The following SLC6A3 variants were observed in gnomAD, a reference collection of about 807,000 sequenced individuals.
The protein encoded by SLC6A3 is sodium-dependent dopamine transporter.
Under a neutral mutation model 70.4 loss-of-function variants are expected in SLC6A3, and 19 were observed. That is an observed-to-expected ratio of 0.27 (90% CI 0.19 to 0.40). SLC6A3 has a LOEUF of 0.40. Among genes scored for constraint, SLC6A3 ranks in the 10% least tolerant of loss-of-function variants. The pLI is 1.00. For missense variants in SLC6A3, 613 were observed against 838.5 expected (o/e 0.73, Z 3.32); for synonymous variants, 368 against 356.6 (o/e 1.03, Z -0.36).
chr5:1,409,853 C>T lies in SLC6A3; in HGVS notation c.1270-4G>A, dbSNP rs1199849349. 6.2e-7 allele frequency: 1 copy of T among 1,613,126 alleles called. No individual in the cohort carries two copies. Among genetic ancestry groups the T allele is most frequent in the South Asian group, 1.1e-5 (1 of 91,072 alleles). On this transcript the variant is annotated splice_region_variant and splice_polypyrimidine_tract_variant and intron_variant, in intron 9 of 14. Coordinates refer to ENST00000270349, the MANE Select transcript of SLC6A3 (RefSeq NM_001044.5). Reference sequence around the variant, plus strand: ...TCACTGACTCCATACCACCCATCTGCACACAGAGCACAGGGTCGGGCTGCA... The same window carrying T: ...TCACTGACTCCATACCACCCATCTGTACACAGAGCACAGGGTCGGGCTGCA...
At chr5:1,431,337 C>T (rs1263266876) in intron 4 of SLC6A3, among the ~76,000 whole-genome samples, 1 of 152,230 alleles carries the variant, frequency 6.6e-6, no homozygotes, top group African/African-American at 2.4e-5. Context: ...CATCGGGGTC[C>T]AGGAAAGCAG....
At position 1,443,117 on chromosome 5, in the gene SLC6A3, C is replaced by G. The variant is rs915327713; in HGVS notation, c.81G>C (p.Lys27Asn). 11 of 1,614,234 alleles carry G rather than the reference C, an allele frequency of 6.8e-6. No individual in the cohort carries two copies. The highest frequency in any genetic ancestry group is 2.2e-5 in the South Asian group (2 of 91,086). The change falls in exon 2 of 15, where the codon AAG becomes AAC. Residue 27 changes from lysine to asparagine, a missense_variant. Coordinates refer to ENST00000270349, the MANE Select transcript of SLC6A3 (RefSeq NM_001044.5). ...CCTTGACAAGGATGAGCTCCACCTC[C>G]TTCGGGCCCACGGCATTGGGCTCCT... ...PAKEPNAVGPKEVELILVKEQ... is the reference protein window; with the variant it reads ...PAKEPNAVGPNEVELILVKEQ...
chr5:1,420,990 T>C (rs907691288), intron 5 of SLC6A3, among the ~76,000 whole-genome samples: 1 of 152,054 alleles, frequency 6.6e-6, no homozygotes, highest in Non-Finnish European at 1.5e-5. Context: ...GAGTGGCTGA[T>C]GGGGGTTTTC....
chr5:1,418,859 T>TATCC (rs148583954), intron 6 of SLC6A3, among the ~76,000 whole-genome samples: 4 of 144,708 alleles, frequency 2.8e-5, no homozygotes, highest in Non-Finnish European at 4.5e-5. Flanking sequence ...ATCCATCCAT[T>TATCC]ATCCATCCAT....
chr5:1,406,764 A>G lies in SLC6A3; in HGVS notation c.1499-476T>C, dbSNP rs1466242659. On this transcript the variant is annotated intron_variant, in intron 11 of 14. Transcript: ENST00000270349. This position sits in a 1 kb window ranked among gnomAD's most constrained non-coding sequence, Gnocchi z 8.8. Reference sequence around the variant, plus strand: ...TCCATCTTCAGAACTCCATCCTCCAAAATGAAATTCTGCCCTCATGAAACG... The same window carrying G: ...TCCATCTTCAGAACTCCATCCTCCAGAATGAAATTCTGCCCTCATGAAACG... 2.0e-5 allele frequency among the ~76,000 whole-genome samples: 3 copies of G among 149,168 alleles called. No homozygotes were observed. The highest frequency in any genetic ancestry group is 1.5e-5 in the Non-Finnish European group (1 of 65,932).
At position 1,397,736 on chromosome 5, in the gene SLC6A3, C is replaced by G. The variant is rs1755754853; in HGVS notation, c.1840-2978G>C. Reference sequence around the variant, plus strand: ...GAGGGAGGTTAGCAAGAGACCTCCTCAAAGGAATGTCTGAAGGATGCTTTT... The same window carrying G: ...GAGGGAGGTTAGCAAGAGACCTCCTGAAAGGAATGTCTGAAGGATGCTTTT... On this transcript the variant is annotated intron_variant, in intron 14 of 14. Transcript: ENST00000270349. The surrounding 1 kb of genome is among the most constrained non-coding windows in gnomAD (Gnocchi z 4.7). 6.6e-6 allele frequency among the ~76,000 whole-genome samples: 1 copy of G among 152,130 alleles called. No homozygotes were observed. The highest frequency in any genetic ancestry group is 2.4e-5 in the African/African-American group (1 of 41,426).
At position 1,394,442 on chromosome 5, in the gene SLC6A3, C is replaced by A; in HGVS notation, c.*293G>T. 1.8e-6 allele frequency: 1 copy of A among 558,008 alleles called. No homozygotes were observed. The highest frequency in any genetic ancestry group is 2.1e-5 in the South Asian group (1 of 48,296). 34.6% of individuals were successfully genotyped at this position (558,008 alleles called of 1,614,324 possible). On this transcript the variant is annotated 3_prime_UTR_variant, in exon 15 of 15. Transcript: ENST00000270349. The surrounding 1 kb of genome is among the most constrained non-coding windows in gnomAD (Gnocchi z 4.7). ...GAGCAGGGAGGGAGGGAGCCTCACACAGACAGCATGAAGTTAGACGTTTTT... is the reference window on the plus strand; with the variant it reads ...GAGCAGGGAGGGAGGGAGCCTCACAAAGACAGCATGAAGTTAGACGTTTTT...
chr5:1,406,603 G>GGCCCCAGCACCCCCGCCAGGCCC lies in SLC6A3; in HGVS notation c.1499-316_1499-315insGGGCCTGGCGGGGGTGCTGGGGC, dbSNP rs1187478573. Among the ~76,000 whole-genome samples, 1 of 152,164 alleles carries GGCCCCAGCACCCCCGCCAGGCCC rather than the reference G, an allele frequency of 6.6e-6. No homozygotes were observed. The highest frequency in any genetic ancestry group is 1.5e-5 in the Non-Finnish European group (1 of 68,006). On this transcript the variant is annotated intron_variant, in intron 11 of 14. Transcript: ENST00000270349. The surrounding 1 kb of genome is among the most constrained non-coding windows in gnomAD (Gnocchi z 8.8). Reference sequence around the variant, plus strand: ...CCCATGGCTCTCCCTGTCTCCCTCTGCTGCTGGTACTTCTTGTTCACTTAA... The same window carrying GGCCCCAGCACCCCCGCCAGGCCC: ...CCCATGGCTCTCCCTGTCTCCCTCTGGCCCCAGCACCCCCGCCAGGCCCCTGCTGGTACTTCTTGTTCACTTAA...
rs150814234 is a variant in SLC6A3 at position 1,414,926 on chromosome 5, G to A, written c.1032-111C>T. On this transcript the variant is annotated intron_variant, in intron 7 of 14. Coordinates refer to ENST00000270349, the MANE Select transcript of SLC6A3 (RefSeq NM_001044.5). ...CTGGGGAAGGGGGCGGGAGGTCTTCGGAGGGGCTACTTTTCCCAGTGAGCA... is the reference window on the plus strand; with the variant it reads ...CTGGGGAAGGGGGCGGGAGGTCTTCAGAGGGGCTACTTTTCCCAGTGAGCA... The A allele has an allele frequency of 3.7e-3, 5,254 of 1,402,830 alleles. 17 individuals are homozygous for A. Among genetic ancestry groups the A allele is most frequent in the Admixed American group, 4.3e-3 (238 of 55,836 alleles). 86.9% of individuals were successfully genotyped at this position (1,402,830 alleles called of 1,614,324 possible).
intron 4 of SLC6A3, among the ~76,000 whole-genome samples, chr5:1,427,906 TTCAGTACCCCTTTC>T (rs1307738667): frequency 6.6e-6 from 1 of 152,182 alleles, no homozygotes; most frequent in African/African-American, 2.4e-5. Context: ...CAGTTGAGAT[TTCAGTACCCCTTTC>T]TCAGTAACTG....
In SLC6A3 at chr5:1,408,987, C is replaced by G; in HGVS notation, c.1498+39G>C. 1 of 1,430,118 alleles carries G rather than the reference C, an allele frequency of 7.0e-7. No homozygotes were observed. The highest frequency in any genetic ancestry group is 9.9e-7 in the Non-Finnish European group (1 of 1,014,468). The allele number at this position is 1,430,118 out of a possible 1,614,324, so 88.6% of individuals were successfully genotyped here. On this transcript the variant is annotated intron_variant, in intron 11 of 14. Coordinates refer to ENST00000270349, the MANE Select transcript of SLC6A3 (RefSeq NM_001044.5). This position sits in a 1 kb window ranked among gnomAD's most constrained non-coding sequence, Gnocchi z 6.4. ...GAAGGGGAGTGGCACAGCCACCAAA[C>G]AAGAGGGTGCCGGCTTGGCTGCCTT...
chr5:1,411,076 C>A lies in SLC6A3; in HGVS notation c.1269+167G>T, dbSNP rs536340622. On this transcript the variant is annotated intron_variant, in intron 9 of 14. Transcript: ENST00000270349. The surrounding 1 kb of genome is among the most constrained non-coding windows in gnomAD (Gnocchi z 6.5). ...CTCCAGTCACCACTCACTCCAGCCC[C>A]GAGAAAGGTCTCCCAAATAATCACG... Among the ~76,000 whole-genome samples the A allele has an allele frequency of 6.6e-6, 1 of 152,108 alleles. No homozygotes were observed. Among genetic ancestry groups the A allele is most frequent in the South Asian group, 2.1e-4 (1 of 4,822 alleles).
chr5:1,421,093 G>A lies in SLC6A3; in HGVS notation c.793-390C>T, dbSNP rs111956361. Among the ~76,000 whole-genome samples the A allele has an allele frequency of 0.022, 3,291 of 152,212 alleles. 127 individuals are homozygous for A. Among genetic ancestry groups the A allele is most frequent in the African/African-American group, 0.073 (3,034 of 41,494 alleles). ...GGCTGTGTCCCTGCGGGAGGCTCCCGTGGCTGGTGCCATACTACACGCACT... is the reference window on the plus strand; with the variant it reads ...GGCTGTGTCCCTGCGGGAGGCTCCCATGGCTGGTGCCATACTACACGCACT... On this transcript the variant is annotated intron_variant, in intron 5 of 14. Transcript: ENST00000270349. The surrounding 1 kb of genome is among the most constrained non-coding windows in gnomAD (Gnocchi z 7.2).
rs575977768 is a variant in SLC6A3, at chr5:1,442,125, G to A, written c.287-635C>T. 6.6e-6 allele frequency among the ~76,000 whole-genome samples: 1 copy of A among 152,278 alleles called. No homozygotes were observed. The highest frequency in any genetic ancestry group is 1.9e-4 in the East Asian group (1 of 5,170). ...GCTCCCCTGGTCTGACTGGAGTGAG[G>A]GAGAGCTTTGCCACTCTCTCTCCTG... On this transcript the variant is annotated intron_variant, in intron 2 of 14. Transcript: ENST00000270349. The surrounding 1 kb of genome is among the most constrained non-coding windows in gnomAD (Gnocchi z 5.0).
In SLC6A3 at chr5:1,441,480, C is replaced by T; in HGVS notation, c.297G>A (p.Leu99=). ...TGACCATGAAGAGCAGGTAGGGGAC[C>T]AGGAAGGCACCTGTGGGGCAGAAAA... is the stretch of plus-strand genomic sequence containing the variant. The part of the protein sequence containing the change: ...LCYKNGGGAF[L]VPYLLFMVIA... Residue 99 remains leucine, a synonymous_variant, in exon 3 of 15, where the codon CTG becomes CTA. Transcript: ENST00000270349. The T allele has an allele frequency of 6.2e-7, 1 of 1,614,042 alleles. No homozygotes were observed. The highest frequency in any genetic ancestry group is 8.5e-7 in the Non-Finnish European group (1 of 1,179,976).
At chr5:1,433,467 A>C (rs2126396292) in intron 3 of SLC6A3, among the ~76,000 whole-genome samples, 1 of 152,274 alleles carries the variant, frequency 6.6e-6, no homozygotes, top group East Asian at 1.9e-4. Context: ...TGAGTCGCAA[A>C]GGGCCATCCA....
At chr5:1,395,241 G>A (rs1263514327) in intron 14 of SLC6A3, among the ~76,000 whole-genome samples, 2 of 152,168 alleles carry the variant, frequency 1.3e-5, no homozygotes, top group Non-Finnish European at 2.9e-5. Context: ...CGACCCGCGC[G>A]GGCGCAAGTG....
rs1318963180 is a variant in SLC6A3 at position 1,393,280 on chromosome 5, T to G, written c.*1455A>C. The G allele has an allele frequency of 1.3e-5, 2 of 152,270 alleles. No homozygotes were observed. Among genetic ancestry groups the G allele is most frequent in the Non-Finnish European group, 2.9e-5 (2 of 68,050 alleles). 9.4% of individuals were successfully genotyped at this position (152,270 alleles called of 1,614,324 possible). On this transcript the variant is annotated 3_prime_UTR_variant, in exon 15 of 15. Coordinates refer to ENST00000270349, the MANE Select transcript of SLC6A3 (RefSeq NM_001044.5). ...ATGAATTCAAACTATGGCATCCACT[T>G]TCCTGTCAGTGGCAGAGGGCAGTGT...
rs1755725611 is a variant in SLC6A3 at position 1,396,575 on chromosome 5, C to G, written c.1840-1817G>C. On this transcript the variant is annotated intron_variant, in intron 14 of 14. Coordinates refer to ENST00000270349, the MANE Select transcript of SLC6A3 (RefSeq NM_001044.5). The surrounding 1 kb of genome is among the most constrained non-coding windows in gnomAD (Gnocchi z 7.0). ...GCCAGAGCGCCAGAGAGGAGGTGGC[C>G]ACACAGAGAGAAGACCCGGGACAAT... Among the ~76,000 whole-genome samples the G allele has an allele frequency of 6.6e-6, 1 of 152,188 alleles. No homozygotes were observed.
Sources: allele counts gnomAD v4.1 joint callset (sites outside exome capture counted in the v4.1 genomes callset), GRCh38; gene constraint gnomAD v4.1.1; non-coding constraint Gnocchi (gnomAD v3.1); transcripts MANE v1.5; gene names NCBI Gene and HGNC (gene_info 2026-07-23, HGNC 2026-07-21).